Variants in LRBA observed in about 807,000 individuals in gnomAD.
The protein encoded by LRBA is LPS responsive beige-like anchor protein.
In LRBA, 176 loss-of-function variants were observed where a neutral mutation model predicts 330.0. The observed-to-expected ratio is 0.53, with a 90% CI of 0.47 to 0.60. The LOEUF (loss-of-function observed/expected upper bound fraction) is 0.60, where lower values mean the gene tolerates loss of function less well. LRBA is among the 20% of genes least tolerant of loss of function. LRBA has a pLI of 0.00. For synonymous variants in LRBA, 1,230 were observed against 1,193.0 expected (o/e 1.03, Z -0.64); for missense variants, 3,259 against 3,444.8 (o/e 0.95, Z 1.35).
chr4:150,945,871 C>G (rs1422334435), intron 2 of LRBA, among the ~76,000 whole-genome samples: 1 of 151,838 alleles, frequency 6.6e-6, no homozygotes, highest in Non-Finnish European at 1.5e-5. Flanking sequence ...ACAATCTCAG[C>G]TCACTGCAAC....
At chr4:150,946,078 G>A (rs762587462) in intron 2 of LRBA, among the ~76,000 whole-genome samples, 15 of 152,254 alleles carry the variant, frequency 9.9e-5, no homozygotes, top group South Asian at 4.1e-4. Context: ...GATTATAGGC[G>A]TGAGCCACCA....
At chr4:150,589,040 TAC>T (rs10637563) in intron 39 of LRBA, among the ~76,000 whole-genome samples, 110 of 146,846 alleles carry the variant, frequency 7.5e-4, no homozygotes, top group South Asian at 2.8e-3. Context: ...TGTGTGTGTA[TAC>T]ACACACACAC....
At chr4:150,620,579 G>C (rs1472865833) in intron 37 of LRBA, among the ~76,000 whole-genome samples, 1 of 152,102 alleles carries the variant, frequency 6.6e-6, no homozygotes, top group African/African-American at 2.4e-5. Context: ...ACAATGAATG[G>C]ATAAAGAAAA....
chr4:150,412,961 G>T (rs1447836827), intron 47 of LRBA, among the ~76,000 whole-genome samples: 2 of 151,656 alleles, frequency 1.3e-5, no homozygotes, highest in Non-Finnish European at 2.9e-5. Flanking sequence ...CAAAATATAT[G>T]TTGGATAAAT....
chr4:150,647,941 T>A (rs186187295), intron 37 of LRBA, among the ~76,000 whole-genome samples: 62 of 150,638 alleles, frequency 4.1e-4, no homozygotes, highest in Non-Finnish European at 6.8e-4. Context: ...CCTAGCAGAG[T>A]GTGAGGTTCA....
chr4:150,348,833 C>T (rs1406750660), intron 48 of LRBA, among the ~76,000 whole-genome samples: 1 of 152,140 alleles, frequency 6.6e-6, no homozygotes, highest in African/African-American at 2.4e-5. Context: ...TGTTTTGTAA[C>T]ACTACCTGTA....
chr4:150,710,436 G>A (rs561450644), intron 36 of LRBA, among the ~76,000 whole-genome samples: 2 of 151,854 alleles, frequency 1.3e-5, no homozygotes, highest in South Asian at 4.2e-4. Flanking sequence ...TTTGAAGCTC[G>A]GAAAAGAAGT....
At chr4:150,717,583 C>A in intron 36 of LRBA, among the ~76,000 whole-genome samples, 1 of 151,218 alleles carries the variant, frequency 6.6e-6, no homozygotes, top group Admixed American at 6.6e-5. Flanking sequence ...TCACTTGAAT[C>A]CAGGAAGCTC....
chr4:150,780,327 T>C (rs1344722331), intron 34 of LRBA, among the ~76,000 whole-genome samples: 1 of 152,170 alleles, frequency 6.6e-6, no homozygotes, highest in Non-Finnish European at 1.5e-5. Flanking sequence ...GTTTATGCTA[T>C]GAAATGGTGA....
chr4:150,264,735 T>G lies in LRBA; in HGVS notation c.*987A>C, dbSNP rs1745091671. The G allele has an allele frequency of 6.5e-6, 1 of 152,776 alleles. No individual in the cohort carries two copies. Among genetic ancestry groups the G allele is most frequent in the South Asian group, 2.1e-4 (1 of 4,820 alleles). 9.5% of individuals were successfully genotyped at this position (152,776 alleles called of 1,614,324 possible). Reference sequence around the variant, plus strand: ...TTTTTCACAGAATTCCACACAGTAATCTACTAGAAAAGTAGAATTATACAC... The same window carrying G: ...TTTTTCACAGAATTCCACACAGTAAGCTACTAGAAAAGTAGAATTATACAC... On this transcript the variant is annotated 3_prime_UTR_variant, in exon 57 of 57. Transcript: ENST00000651943.
chr4:150,357,232 A>G (rs888580651), intron 47 of LRBA, among the ~76,000 whole-genome samples: 3 of 152,048 alleles, frequency 2.0e-5, no homozygotes, highest in African/African-American at 4.8e-5. Context: ...GTATCTTGAT[A>G]TAACTATCAA....
chr4:150,730,359 G>A (rs1330370500), intron 36 of LRBA, among the ~76,000 whole-genome samples: 1 of 152,128 alleles, frequency 6.6e-6, no homozygotes, highest in Non-Finnish European at 1.5e-5. Context: ...TTTCTCAACA[G>A]AAGACATATA....
chr4:150,716,308 G>T (rs559361355), intron 36 of LRBA, among the ~76,000 whole-genome samples: 5 of 152,220 alleles, frequency 3.3e-5, no homozygotes, highest in Admixed American at 2.0e-4. Flanking sequence ...CTAGCTGGGC[G>T]TGGTTGTGGG....
intron 36 of LRBA, among the ~76,000 whole-genome samples, chr4:150,686,608 A>G (rs1258809764): frequency 6.6e-6 from 1 of 152,164 alleles, no homozygotes; most frequent in Admixed American, 6.5e-5. Context: ...GTACGAAATG[A>G]CAGACATTCA....
At chr4:150,620,998 G>C (rs1042055211) in intron 37 of LRBA, among the ~76,000 whole-genome samples, 18 of 151,786 alleles carry the variant, frequency 1.2e-4, no homozygotes, top group African/African-American at 4.1e-4. Context: ...AATTTTTTTG[G>C]AGAAATTTAA....
intron 47 of LRBA, among the ~76,000 whole-genome samples, chr4:150,398,347 T>G (rs1168326950): frequency 6.6e-6 from 1 of 152,176 alleles, no homozygotes; most frequent in Non-Finnish European, 1.5e-5. Flanking sequence ...CAGAGGTAGA[T>G]TTCACGAGCT....
chr4:150,315,626 G>A lies in LRBA; in HGVS notation c.7631-3C>T, dbSNP rs772852938. The A allele has an allele frequency of 1.9e-6, 3 of 1,567,552 alleles. No individual in the cohort carries two copies. In the South Asian group the frequency reaches 3.6e-5, roughly 19 times the overall value. On this transcript the variant is annotated splice_region_variant and splice_polypyrimidine_tract_variant and intron_variant, in intron 50 of 56. Transcript: ENST00000651943. ...GTCTTGTACAGCACCTTGATGAGCT[G>A]GAATTCACAAAAGATAAAGAAAAAA... is the stretch of plus-strand genomic sequence containing the variant.
chr4:150,852,642 T>A lies in LRBA; in HGVS notation c.3068A>T (p.Gln1023Leu). ...NTSYEEMKAE[Q>L]ENQELPDEGT... is the part of the protein sequence containing the mutation. ...TTCATCTGGTAACTCCTGATTTTCT[T>A]GCTCAGCTTTCATTTCTTCATAAGA... Residue 1023 changes from glutamine (Q) to leucine (L), a missense_variant, in exon 23 of 57, where the codon CAA becomes CTA. Gln to Leu is a moderately radical substitution (Grantham distance 113). Coordinates refer to ENST00000651943, the MANE Select transcript of LRBA (RefSeq NM_001364905.1). 6.2e-7 allele frequency: 1 copy of A among 1,614,108 alleles called. No homozygotes were observed. The highest frequency in any genetic ancestry group is 1.1e-5 in the South Asian group (1 of 91,082).
intron 40 of LRBA, among the ~76,000 whole-genome samples, chr4:150,559,710 ATAT>A (rs1380194565): frequency 3.5e-4 from 31 of 89,690 alleles, no homozygotes; most frequent in South Asian, 2.1e-3. Context: ...ATATTATATA[ATAT>A]TATAGATTAT....
Sources: gnomAD v4.1 joint callset for allele counts (sites outside exome capture counted in the v4.1 genomes callset) on GRCh38, gnomAD v4.1.1 for gene constraint, MANE v1.5 for transcripts, NCBI Gene and HGNC (gene_info 2026-07-23, HGNC 2026-07-21) for gene names.